Variants in CSGALNACT1 observed in about 807,000 individuals in gnomAD.
CSGALNACT1 encodes the protein beta4GalNAcT-1.
CSGALNACT1 carries 52 observed loss-of-function variants against 51.0 expected under a neutral mutation model. The observed-to-expected ratio is 1.02, with a 90% CI of 0.82 to 1.29. CSGALNACT1 has a LOEUF of 1.29. Among genes scored for constraint, CSGALNACT1 ranks in the 50% most tolerant of loss-of-function variants. The pLI is 0.00. For missense variants in CSGALNACT1, 935 were observed against 679.2 expected (o/e 1.38, Z -4.19); for synonymous variants, 341 against 254.4 (o/e 1.34, Z -3.24).
At chr8:19,637,886 C>G (rs545258459) in intron 1 of CSGALNACT1, among the ~76,000 whole-genome samples, 3 of 149,706 alleles carry the variant, frequency 2.0e-5, no homozygotes, top group Non-Finnish European at 4.4e-5. Flanking sequence ...GAGTGCCCAG[C>G]GCTGATATTA....
chr8:19,601,250 T>C (rs959120155), intron 2 of CSGALNACT1, among the ~76,000 whole-genome samples: 1 of 152,220 alleles, frequency 6.6e-6, no homozygotes, highest in Non-Finnish European at 1.5e-5. Flanking sequence ...CAAAGAGCTC[T>C]AGACAGTGTC....
intron 5 of CSGALNACT1, among the ~76,000 whole-genome samples, chr8:19,456,928 A>T (rs140698595): frequency 9.8e-4 from 149 of 152,372 alleles, no homozygotes; most frequent in Middle Eastern, 6.8e-3. Context: ...GTTTAAGAAG[A>T]AATAGACTTG....
intron 1 of CSGALNACT1, among the ~76,000 whole-genome samples, chr8:19,755,432 G>A (rs371194716): frequency 7.5e-5 from 8 of 107,312 alleles, no homozygotes; most frequent in Non-Finnish European, 1.5e-4. Flanking sequence ...GCTGGAGTTG[G>A]GGATCCCTAA....
intron 3 of CSGALNACT1, among the ~76,000 whole-genome samples, chr8:19,557,915 T>C (rs1328629755): frequency 6.6e-6 from 1 of 152,210 alleles, no homozygotes; most frequent in Admixed American, 6.5e-5. Flanking sequence ...GTGATACTGT[T>C]TGAAACCATA....
At chr8:19,573,075 C>T (rs2043360907) in intron 3 of CSGALNACT1, among the ~76,000 whole-genome samples, 1 of 152,190 alleles carries the variant, frequency 6.6e-6, no homozygotes. Flanking sequence ...TTTTCACCTC[C>T]TGCCAGCAGA....
At chr8:19,482,054 C>A (rs991471871) in intron 4 of CSGALNACT1, among the ~76,000 whole-genome samples, 1 of 152,134 alleles carries the variant, frequency 6.6e-6, no homozygotes, top group Non-Finnish European at 1.5e-5. Flanking sequence ...TCGCTCATGA[C>A]TCCGATTAAA....
rs932167499 is a variant in CSGALNACT1, at chr8:19,591,160, C to G, written c.-297G>C. 47 of 152,262 alleles carry G rather than the reference C, an allele frequency of 3.1e-4. 1 individual carries two copies. Among genetic ancestry groups the G allele is most frequent in the Admixed American group, 2.9e-3 (45 of 15,262 alleles). 9.4% of individuals were successfully genotyped at this position (152,262 alleles called of 1,614,324 possible). ...AGAAGAGATCAGGACCTGGACCCACCTCCTCACAAAGCCACAGCAGCAGCA... is the reference window on the plus strand; with the variant it reads ...AGAAGAGATCAGGACCTGGACCCACGTCCTCACAAAGCCACAGCAGCAGCA... On this transcript the variant is annotated splice_region_variant and 5_prime_UTR_variant, in exon 3 of 10. Coordinates refer to ENST00000454498, the Ensembl canonical transcript of CSGALNACT1.
chr8:19,684,776 A>G (rs2060879867), upstream of CSGALNACT1, among the ~76,000 whole-genome samples: 1 of 152,186 alleles, frequency 6.6e-6, no homozygotes, highest in South Asian at 2.1e-4. Flanking sequence ...CAACCACCTA[A>G]AAAGAGCTCA....
intron 6 of CSGALNACT1, among the ~76,000 whole-genome samples, chr8:19,436,846 G>C (rs1302319502): frequency 6.6e-6 from 1 of 152,194 alleles, no homozygotes; most frequent in Non-Finnish European, 1.5e-5. Flanking sequence ...AGGAGTTGGA[G>C]GGTGCAGTGA....
intron 4 of CSGALNACT1, among the ~76,000 whole-genome samples, chr8:19,497,063 G>A (rs1425296072): frequency 6.6e-6 from 1 of 152,164 alleles, no homozygotes; most frequent in African/African-American, 2.4e-5. Context: ...GGGAACTGGT[G>A]AAAACTAAGT....
At chr8:19,425,860 C>G (rs4921639) in intron 6 of CSGALNACT1, among the ~76,000 whole-genome samples, 3 of 151,994 alleles carry the variant, frequency 2.0e-5, no homozygotes, top group Non-Finnish European at 4.4e-5. Context: ...TCTACTCCTG[C>G]GAACATCACT....
At chr8:19,656,400 G>A (rs1470500538) in intron 1 of CSGALNACT1, among the ~76,000 whole-genome samples, 2 of 152,034 alleles carry the variant, frequency 1.3e-5, no homozygotes, top group African/African-American at 4.8e-5. Context: ...TAATTTTAAG[G>A]TGATTCCAGG....
intron 3 of CSGALNACT1, among the ~76,000 whole-genome samples, chr8:19,530,611 G>A (rs1196645611): frequency 6.6e-6 from 1 of 152,124 alleles, no homozygotes; most frequent in African/African-American, 2.4e-5. Flanking sequence ...CGCAGCTCGA[G>A]TCCCAGTTAT....
chr8:19,553,711 C>T (rs947291236), intron 3 of CSGALNACT1, among the ~76,000 whole-genome samples: 2 of 146,898 alleles, frequency 1.4e-5, no homozygotes, highest in Non-Finnish European at 3.0e-5. Flanking sequence ...GGCACAAAAC[C>T]AGTGAGGGAT....
upstream of CSGALNACT1, among the ~76,000 whole-genome samples, chr8:19,683,415 C>A (rs1178535364): frequency 6.6e-6 from 1 of 152,110 alleles, no homozygotes; most frequent in African/African-American, 2.4e-5. Context: ...AAAGCTCTGA[C>A]AATTTAAAAA....
chr8:19,461,768 ATCTGCACAGCAGCCACATTCACCATGGAG>A lies in CSGALNACT1; in HGVS notation c.635-3155_635-3127del, dbSNP rs1470107544. On this transcript the variant is annotated intron_variant, in intron 4 of 9. Coordinates refer to ENST00000454498, the Ensembl canonical transcript of CSGALNACT1. Reference sequence around the variant, plus strand: ...CGGCCACATTCACCATGGAGGGCGTATCTGCACAGCAGCCACATTCACCATGGAGGGCGTATCCCCACAGCAGCCACATT... The same window carrying A: ...CGGCCACATTCACCATGGAGGGCGTAGGCGTATCCCCACAGCAGCCACATT... Among the ~76,000 whole-genome samples, 23 of 142,868 alleles carry A rather than the reference ATCTGCACAGCAGCCACATTCACCATGGAG, an allele frequency of 1.6e-4. 4 individuals are homozygous for A. The highest frequency in any genetic ancestry group is 7.0e-4 in the East Asian group (3 of 4,304). The allele number at this position is 142,868 out of a possible 152,430, so 93.7% of individuals were successfully genotyped here.
At chr8:19,435,739 G>A (rs895733509) in intron 6 of CSGALNACT1, among the ~76,000 whole-genome samples, 2 of 152,162 alleles carry the variant, frequency 1.3e-5, no homozygotes, top group East Asian at 1.9e-4. Context: ...GAGCTCATCT[G>A]AGATTAACTG....
chr8:19,557,813 A>T (rs2039807662), intron 3 of CSGALNACT1, among the ~76,000 whole-genome samples: 1 of 152,108 alleles, frequency 6.6e-6, no homozygotes, highest in Non-Finnish European at 1.5e-5. Context: ...TGAAACATAA[A>T]CCCCATGAGG....
chr8:19,502,765 A>G (rs1210616684), intron 4 of CSGALNACT1, among the ~76,000 whole-genome samples: 1 of 152,114 alleles, frequency 6.6e-6, no homozygotes, highest in Non-Finnish European at 1.5e-5. Context: ...CACAAATCTC[A>G]AACCAGACCT....
Sources: allele counts gnomAD v4.1 joint callset (sites outside exome capture counted in the v4.1 genomes callset), GRCh38; gene constraint gnomAD v4.1.1; transcripts MANE v1.5; gene names NCBI Gene and HGNC (gene_info 2026-07-23, HGNC 2026-07-21).